SH3PXD2A: variants seen among roughly 807,000 people sequenced by gnomAD.
The protein encoded by SH3PXD2A is SH3 and PX domain-containing protein 2A.
Under a neutral mutation model 115.2 loss-of-function variants are expected in SH3PXD2A, and 32 were observed. The ratio of observed to expected loss-of-function variants is 0.28; its 90% CI spans 0.21 to 0.37. The LOEUF is 0.37. SH3PXD2A is among the 10% of genes least tolerant of loss of function. The probability of loss-of-function intolerance (pLI) is 1.00; values close to 1 mark genes in which losing one functional copy is unlikely to be tolerated. For synonymous variants in SH3PXD2A, 610 were observed against 629.1 expected, an observed-to-expected ratio of 0.97 and a Z score of 0.45; for missense variants, 1,328 against 1,498.7, an observed-to-expected ratio of 0.89 and a Z score of 1.88.
chr10:103,708,259 A>C (rs972499192), intron 5 of SH3PXD2A, among the ~76,000 whole-genome samples: 2 of 152,142 alleles, frequency 1.3e-5, no homozygotes, highest in African/African-American at 4.8e-5. Context: ...AAACTCAGCT[A>C]GTGACAAAGG....
At chr10:103,645,415 A>G (rs2037021749) in intron 8 of SH3PXD2A, among the ~76,000 whole-genome samples, 1 of 152,220 alleles carries the variant, frequency 6.6e-6, no homozygotes, top group Non-Finnish European at 1.5e-5. Context: ...TCTCTAGCTT[A>G]CCCAGGAGGA....
intron 2 of SH3PXD2A, among the ~76,000 whole-genome samples, chr10:103,769,780 C>T (rs2038799678): frequency 1.3e-5 from 2 of 152,146 alleles, no homozygotes; most frequent in African/African-American, 4.8e-5. Context: ...TTAATAATTG[C>T]CTGCTATGTG....
chr10:103,602,846 C>T lies in SH3PXD2A; in HGVS notation c.2372G>A (p.Gly791Glu), dbSNP rs531825547. 208 of 1,614,174 alleles carry T rather than the reference C, an allele frequency of 1.3e-4. No individual in the cohort carries two copies. The South Asian group carries it at 2.2e-3, about 17-fold the overall frequency. ...ATCCTCACTCTTGGAGCCCTTGAGC[C>T]CTCCACGGAGCTGGCCTGTGGGTCT... ...QLRPTGQLRG[G>E]LKGSKSEDSE... Residue 791 changes from glycine to glutamate, a missense_variant, in exon 15 of 15, where the codon GGG becomes GAG. Gly to Glu is a moderately conservative substitution (Grantham distance 98). This residue lies in a region of SH3PXD2A where 574 missense variants were observed against 565.7 expected (regional missense o/e 1.01). Coordinates refer to ENST00000369774, the MANE Select transcript of SH3PXD2A (RefSeq NM_001394015.1).
intron 5 of SH3PXD2A, among the ~76,000 whole-genome samples, chr10:103,705,451 C>T (rs2037969935): frequency 1.3e-5 from 2 of 152,318 alleles, no homozygotes; most frequent in South Asian, 4.1e-4. Context: ...CAAGCATTTA[C>T]ATTATGCCAG....
chr10:103,791,292 G>A (rs575699747), intron 2 of SH3PXD2A, among the ~76,000 whole-genome samples: 5 of 152,336 alleles, frequency 3.3e-5, no homozygotes, highest in African/African-American at 1.2e-4. Context: ...AGGGCCTTGA[G>A]TCCATTAGGA....
chr10:103,687,108 A>G (rs1033934299), intron 6 of SH3PXD2A, among the ~76,000 whole-genome samples: 5 of 152,140 alleles, frequency 3.3e-5, no homozygotes, highest in Non-Finnish European at 7.3e-5. Context: ...AAGGGAAATT[A>G]TCTAAAACAC....
At chr10:103,806,727 T>C (rs903030023) in intron 1 of SH3PXD2A, among the ~76,000 whole-genome samples, 4 of 152,222 alleles carry the variant, frequency 2.6e-5, no homozygotes, top group African/African-American at 9.6e-5. Context: ...TAAAAACCCA[T>C]GGATTCTATT....
intron 1 of SH3PXD2A, among the ~76,000 whole-genome samples, chr10:103,836,198 A>G (rs1021030635): frequency 6.6e-6 from 1 of 152,174 alleles, no homozygotes; most frequent in South Asian, 2.1e-4. Context: ...AAGATCTATG[A>G]GACCCTTTTA....
intron 2 of SH3PXD2A, among the ~76,000 whole-genome samples, chr10:103,788,934 C>A (rs1010875625): frequency 1.3e-5 from 2 of 152,116 alleles, no homozygotes; most frequent in African/African-American, 2.4e-5. Flanking sequence ...ATGGCAGCAA[C>A]TGAAATCATC....
intron 1 of SH3PXD2A, among the ~76,000 whole-genome samples, chr10:103,819,094 T>C (rs1202470515): frequency 6.6e-6 from 1 of 152,218 alleles, no homozygotes; most frequent in Non-Finnish European, 1.5e-5. Flanking sequence ...TAAAATTCAG[T>C]CCAGTCCCGT....
chr10:103,599,033 T>C lies in SH3PXD2A; in HGVS notation c.*2783A>G, dbSNP rs942521149. The C allele has an allele frequency of 2.0e-5, 3 of 152,528 alleles. No homozygotes were observed. The highest frequency in any genetic ancestry group is 7.2e-5 in the African/African-American group (3 of 41,416). The allele number at this position is 152,528 out of a possible 1,614,324, so 9.4% of individuals were successfully genotyped here. A position where few individuals can be genotyped will look rare whatever the true frequency, so the allele number is the denominator to read the frequency against. On this transcript the variant is annotated 3_prime_UTR_variant, in exon 15 of 15. Transcript: ENST00000369774. ...ACTCCCAGCCATCCTTGGGGCTGGA[T>C]GTCACAATGTAAACATGACCACACA... is the stretch of plus-strand genomic sequence containing the variant.
chr10:103,683,001 T>C (rs1414354172), intron 6 of SH3PXD2A, among the ~76,000 whole-genome samples: 1 of 152,132 alleles, frequency 6.6e-6, no homozygotes, highest in Non-Finnish European at 1.5e-5. Context: ...CTTTCCAGAC[T>C]CATCTCCTGC....
chr10:103,724,230 G>A (rs570823681), intron 5 of SH3PXD2A, 40 bp downstream of exon 5: 54 of 1,191,816 alleles, frequency 4.5e-5, no homozygotes, highest in Admixed American at 4.2e-4. Flanking sequence ...TTTAGCCCAC[G>A]CCTCCCCAGC....
intron 1 of SH3PXD2A, among the ~76,000 whole-genome samples, chr10:103,815,657 G>A (rs992349181): frequency 5.3e-5 from 8 of 151,668 alleles, no homozygotes; most frequent in South Asian, 2.1e-4. Context: ...CGGGGAGGCC[G>A]AGGCAGGCGG....
chr10:103,602,952 C>T lies in SH3PXD2A; in HGVS notation c.2266G>A (p.Val756Ile), dbSNP rs1456502400. ...LTSCPRAKPS[V>I]RPKPFLNRAE... is the part of the protein sequence containing the mutation. ...CGGTTTAGGAATGGCTTGGGCCGGA[C>T]CGATGGCTTGGCCCGGGGACAGGAG... The change falls in exon 15 of 15, where the codon GTC (valine) becomes ATC (isoleucine). Residue 756 changes from valine to isoleucine, a missense_variant. Transcript: ENST00000369774. 2 of 1,614,218 alleles carry T rather than the reference C, an allele frequency of 1.2e-6. No homozygotes were observed. Among genetic ancestry groups the T allele is most frequent in the Non-Finnish European group, 1.7e-6 (2 of 1,180,040 alleles).
At chr10:103,801,408 C>T in intron 1 of SH3PXD2A, 46 bp from the exon 2 acceptor site, 1 of 1,206,386 alleles carries the variant, frequency 8.3e-7, no homozygotes, top group Non-Finnish European at 1.2e-6. Flanking sequence ...GGATTTCAAG[C>T]TGTCTGTGCC....
In SH3PXD2A at chr10:103,601,694, TTGAA is replaced by T; in HGVS notation, c.*118_*121del. 1 of 348,802 alleles carries T rather than the reference TTGAA, an allele frequency of 2.9e-6. No homozygotes were observed. Among genetic ancestry groups the T allele is most frequent in the South Asian group, 2.8e-5 (1 of 35,102 alleles). 21.6% of individuals were successfully genotyped at this position (348,802 alleles called of 1,614,324 possible). On this transcript the variant is annotated 3_prime_UTR_variant, in exon 15 of 15. Transcript: ENST00000369774. ...CTTTGAGGTCACCCATTCTGCAGTGTTGAATGTTGTCCACCCCCCACCCCCCACC... is the reference window on the plus strand; with the variant it reads ...CTTTGAGGTCACCCATTCTGCAGTGTTGTTGTCCACCCCCCACCCCCCACC...
Position 103,596,637 on chromosome 10 carries a change from A to C in SH3PXD2A, c.*5179T>G, listed in dbSNP as rs908060496. The C allele has an allele frequency of 2.5e-5, 1 of 40,156 alleles. No individual in the cohort carries two copies. Among genetic ancestry groups the C allele is most frequent in the African/African-American group, 1.0e-4 (1 of 9,594 alleles). 2.5% of individuals were successfully genotyped at this position (40,156 alleles called of 1,614,324 possible). The stretch of plus-strand genomic sequence containing the variant: ...GTTACCAACACTTGCATACACAGAC[A>C]CACACACACACACACACACACACAC... On this transcript the variant is annotated 3_prime_UTR_variant, in exon 15 of 15. Transcript: ENST00000369774.
chr10:103,599,286 A>C lies in SH3PXD2A; in HGVS notation c.*2530T>G. The C allele has an allele frequency of 1.3e-5, 1 of 77,832 alleles. No homozygotes were observed. The highest frequency in any genetic ancestry group is 5.2e-5 in the African/African-American group (1 of 19,164). 4.8% of individuals were successfully genotyped at this position (77,832 alleles called of 1,614,324 possible). A position where few individuals can be genotyped will look rare whatever the true frequency, so the allele number is the denominator to read the frequency against. On this transcript the variant is annotated 3_prime_UTR_variant, in exon 15 of 15. Transcript: ENST00000369774. ...GGGGTCCTTGGGGGGGGCTGGGAGA[A>C]TGTGGGGGGCAGTGCAGGTGGTGGG...
Sources: gnomAD v4.1 joint callset for allele counts (sites outside exome capture counted in the v4.1 genomes callset) on GRCh38, gnomAD v4.1.1 for gene constraint, gnomAD v4.1.1 regional missense constraint, MANE v1.5 for transcripts, NCBI Gene and HGNC (gene_info 2026-07-23, HGNC 2026-07-21) for gene names.